The following TYW1B variants were observed in gnomAD, a reference collection of about 807,000 sequenced individuals.
TYW1B encodes the protein S-adenosyl-L-methionine-dependent tRNA 4-demethylwyosine synthase TYW1B.
TYW1B carries 73 observed loss-of-function variants against 86.9 expected under a neutral mutation model. That is an observed-to-expected ratio of 0.84 (90% CI 0.70 to 1.02). The LOEUF (loss-of-function observed/expected upper bound fraction) is 1.02. TYW1B is among the 50% of genes least tolerant of loss of function. The pLI, the probability that TYW1B is intolerant of heterozygous loss-of-function variation, is 0.00. For synonymous variants in TYW1B, 248 were observed against 292.8 expected (o/e 0.85, Z 1.56); for missense variants, 637 against 827.4 (o/e 0.77, Z 2.82).
At chr7:72,818,566 G>A (rs1432101784) in intron 2 of TYW1B, among the ~76,000 whole-genome samples, 1 of 113,888 alleles carries the variant, frequency 8.8e-6, no homozygotes, top group East Asian at 2.8e-4. Flanking sequence ...GCAACTAAGC[G>A]AGACTCCATC....
At chr7:72,670,341 A>G (rs1459505156) in intron 11 of TYW1B, among the ~76,000 whole-genome samples, 1 of 152,094 alleles carries the variant, frequency 6.6e-6, no homozygotes, top group Non-Finnish European at 1.5e-5. Context: ...ACAGGCGCCT[A>G]CCACCACGCC....
At chr7:72,640,155 G>C (rs1812769259) in intron 11 of TYW1B, among the ~76,000 whole-genome samples, 1 of 151,446 alleles carries the variant, frequency 6.6e-6, no homozygotes, top group Admixed American at 6.6e-5. Flanking sequence ...AAAAACAAAA[G>C]AAAGCAAAAA....
chr7:72,606,109 G>A (rs1244102725), intron 13 of TYW1B, among the ~76,000 whole-genome samples: 1 of 152,138 alleles, frequency 6.6e-6, no homozygotes, highest in Non-Finnish European at 1.5e-5. Flanking sequence ...ACAACATGGT[G>A]GTGAGTTTCT....
intron 11 of TYW1B, among the ~76,000 whole-genome samples, chr7:72,634,181 T>G (rs1347921466): frequency 3.3e-5 from 5 of 151,042 alleles, no homozygotes; most frequent in African/African-American, 9.7e-5. Flanking sequence ...CCCACCTCCT[T>G]TTTTTTTTCT....
chr7:72,613,863 T>C (rs1199003166), intron 13 of TYW1B, among the ~76,000 whole-genome samples: 1 of 152,146 alleles, frequency 6.6e-6, no homozygotes, highest in Non-Finnish European at 1.5e-5. Flanking sequence ...AATTTTGAAG[T>C]TGATAACTGT....
chr7:72,695,757 T>C (rs551973793), intron 10 of TYW1B, among the ~76,000 whole-genome samples: 2 of 152,144 alleles, frequency 1.3e-5, no homozygotes, highest in South Asian at 4.1e-4. Context: ...CACGCCCGGC[T>C]AATTTTTAAA....
At chr7:72,747,133 T>C (rs1787409413) in intron 7 of TYW1B, among the ~76,000 whole-genome samples, 1 of 152,172 alleles carries the variant, frequency 6.6e-6, no homozygotes, top group Admixed American at 6.5e-5. Flanking sequence ...CCCACTCAAA[T>C]CTCAACTTGA....
intron 11 of TYW1B, among the ~76,000 whole-genome samples, chr7:72,663,979 A>G (rs1813399637): frequency 6.6e-6 from 1 of 152,038 alleles, no homozygotes; most frequent in African/African-American, 2.4e-5. Context: ...ATGTATCTCT[A>G]CTGAGATATA....
intron 11 of TYW1B, among the ~76,000 whole-genome samples, chr7:72,657,758 A>G (rs1326491335): frequency 6.6e-6 from 1 of 152,208 alleles, no homozygotes; most frequent in Non-Finnish European, 1.5e-5. Flanking sequence ...GAAATGAAGG[A>G]GAAATAAAGT....
In TYW1B at chr7:72,744,515, C is replaced by T. The variant is rs1367384635; in HGVS notation, c.1051G>A (p.Ala351Thr). ...HRCMETTPSL[A>T]CANKCVFCWW... ...CAGAAGACACATTTATTAGCACACGCCAAGCTCGGGGTGGTTTCCATGCAG... is the reference window on the plus strand; with the variant it reads ...CAGAAGACACATTTATTAGCACACGTCAAGCTCGGGGTGGTTTCCATGCAG... The change falls in exon 8 of 14, where the codon GCG (alanine) becomes ACG (threonine). Residue 351 changes from alanine (A) to threonine (T), a missense_variant. Coordinates refer to ENST00000620995, the MANE Select transcript of TYW1B (RefSeq NM_001145440.3). 43 of 1,602,902 alleles carry T rather than the reference C, an allele frequency of 2.7e-5. No homozygotes were observed. The highest frequency in any genetic ancestry group is 3.5e-5 in the Non-Finnish European group (41 of 1,176,958).
chr7:72,731,435 AAAC>A (rs1229199058), intron 8 of TYW1B, among the ~76,000 whole-genome samples: 1 of 151,746 alleles, frequency 6.6e-6, no homozygotes, highest in Non-Finnish European at 1.5e-5. Context: ...AAGAAAGCAA[AAAC>A]AATATACAAA....
intron 2 of TYW1B, 118 bp from the exon 3 acceptor site, chr7:72,815,599 T>C (rs1788708471): frequency 1.2e-6 from 1 of 839,766 alleles, no homozygotes; most frequent in East Asian, 2.7e-5. Flanking sequence ...CAGTGACTGA[T>C]ATGAACCCAA....
chr7:72,611,667 C>T (rs1234615071), intron 13 of TYW1B, among the ~76,000 whole-genome samples: 1 of 152,178 alleles, frequency 6.6e-6, no homozygotes, highest in Non-Finnish European at 1.5e-5. Context: ...CGGACAAATA[C>T]AGGGACCATT....
chr7:72,624,490 T>C (rs1554438462), intron 12 of TYW1B, among the ~76,000 whole-genome samples: 1 of 152,218 alleles, frequency 6.6e-6, no homozygotes, highest in African/African-American at 2.4e-5. Flanking sequence ...TAAATATTAT[T>C]CTAGAATTTG....
intron 6 of TYW1B, 47 bp from the exon 7 acceptor site, chr7:72,777,580 G>T: frequency 6.2e-7 from 1 of 1,604,236 alleles, no homozygotes; most frequent in Non-Finnish European, 8.5e-7. Context: ...AATGTGCAAT[G>T]TAAATAACAG....
Position 72,713,659 on chromosome 7 carries a change from G to C in TYW1B, c.1332C>G (p.Ser444Arg). Residue 444 changes from serine (S) to arginine (R), a missense_variant, in exon 10 of 14, where the codon AGC (serine) becomes AGG (arginine). By Grantham distance (110) the Ser-to-Arg change is moderately radical. Transcript: ENST00000620995. ...LKLLHQCKIS[S>R]FLVTNAQFPA... ...GAAATTGTGCATTTGTGACCAGGAA[G>C]CTGGAGATTTTACACTGGTGGAGTA... 6.2e-7 allele frequency: 1 copy of C among 1,614,092 alleles called. No individual in the cohort carries two copies. The highest frequency in any genetic ancestry group is 8.5e-7 in the Non-Finnish European group (1 of 1,180,004).
chr7:72,702,790 A>G (rs1472897194), intron 10 of TYW1B, among the ~76,000 whole-genome samples: 1 of 151,930 alleles, frequency 6.6e-6, no homozygotes, highest in Non-Finnish European at 1.5e-5. Flanking sequence ...TTTCGTGAAT[A>G]TATGCTCCTC....
rs544137653 is a variant in TYW1B, at chr7:72,771,668, G to A, written c.964+5748C>T. 2.2e-4 allele frequency among the ~76,000 whole-genome samples: 33 copies of A among 151,438 alleles called. No individual in the cohort carries two copies. The Middle Eastern group carries it at 0.01, about 47-fold the overall frequency. On this transcript the variant is annotated intron_variant, in intron 7 of 13. Transcript: ENST00000620995. ...AAAGCAGGGAACACAAAGTTGGACTGATCCAAAGCGTCATATCAAAAAGTG... is the reference window on the plus strand; with the variant it reads ...AAAGCAGGGAACACAAAGTTGGACTAATCCAAAGCGTCATATCAAAAAGTG...
chr7:72,640,285 G>T (rs1812773410), intron 11 of TYW1B, among the ~76,000 whole-genome samples: 1 of 151,860 alleles, frequency 6.6e-6, no homozygotes, highest in Non-Finnish European at 1.5e-5. Context: ...TCAAAAAGAT[G>T]AAAATTTTCC....
Sources: gnomAD v4.1 joint callset for allele counts (sites outside exome capture counted in the v4.1 genomes callset) on GRCh38, gnomAD v4.1.1 for gene constraint, MANE v1.5 for transcripts, NCBI Gene and HGNC (gene_info 2026-07-23, HGNC 2026-07-21) for gene names.